Variants in RNASE6 observed in about 807,000 individuals in gnomAD.
RNASE6 encodes ribonuclease K6.
For synonymous variants in RNASE6, 64 were observed against 63.6 expected (o/e 1.01, Z -0.03); for missense variants, 197 against 181.9 (o/e 1.08, Z -0.48).
chr14:20,782,332 T>C lies in RNASE6; in HGVS notation c.*180T>C, dbSNP rs1434518876. The C allele has an allele frequency of 1.6e-6, 1 of 631,406 alleles. No homozygotes were observed. The highest frequency in any genetic ancestry group is 2.8e-6 in the Non-Finnish European group (1 of 362,876). The allele number at this position is 631,406 out of a possible 1,614,324, so 39.1% of individuals were successfully genotyped here. A position where few individuals can be genotyped will look rare whatever the true frequency, so the allele number is the denominator to read the frequency against. On this transcript the variant is annotated 3_prime_UTR_variant, in exon 2 of 2. Transcript: ENST00000304677. ...AAAAGAAATAAGATTATTTTCTGCTTTGTAGTTCTGTACTTTTCGAGAGAA... is the reference window on the plus strand; with the variant it reads ...AAAAGAAATAAGATTATTTTCTGCTCTGTAGTTCTGTACTTTTCGAGAGAA...
In RNASE6 at chr14:20,781,919, G is replaced by GT. The variant is rs754228796; in HGVS notation, c.221dup (p.Ala75GlyfsTer5). 2 of 1,614,226 alleles carry GT rather than the reference G, an allele frequency of 1.2e-6. No individual in the cohort carries two copies. On this transcript the variant is annotated frameshift_variant, in exon 2 of 2. Coordinates refer to ENST00000304677, the MANE Select transcript of RNASE6 (RefSeq NM_005615.5). LOFTEE classifies it low-confidence loss of function (END_TRUNC). ...CTTTCTGCATGACTCTTTCCAGAAT[G>GT]TGGCTGCTGTCTGTGATTTGCTCAG...
At position 20,781,785 on chromosome 14, in the gene RNASE6, C is replaced by T; in HGVS notation, c.86C>T (p.Thr29Ile). 6.2e-7 allele frequency: 1 copy of T among 1,614,184 alleles called. No individual in the cohort carries two copies. The highest frequency in any genetic ancestry group is 8.5e-7 in the Non-Finnish European group (1 of 1,180,034). ...CTTCATGCTTGGCCTAAGCGTCTCA[C>T]CAAGGCTCACTGGTTTGAAATTCAG... Reference protein sequence around the residue: ...CPLHAWPKRLTKAHWFEIQHI... With the variant: ...CPLHAWPKRLIKAHWFEIQHI... Residue 29 changes from threonine (T) to isoleucine (I), a missense_variant, in exon 2 of 2, where the codon ACC becomes ATC. Coordinates refer to ENST00000304677, the MANE Select transcript of RNASE6 (RefSeq NM_005615.5).
chr14:20,781,968 A>C lies in RNASE6; in HGVS notation c.269A>C (p.His90Pro). Residue 90 changes from histidine (H) to proline (P), a missense_variant, in exon 2 of 2, where the codon CAC becomes CCC. Transcript: ENST00000304677. ...AGCATTGTCTGCAAAAATCGTCGGC[A>C]CAACTGCCACCAGAGCTCAAAGCCT... ...LLSIVCKNRR[H>P]NCHQSSKPVN... The C allele has an allele frequency of 6.2e-7, 1 of 1,614,188 alleles. No homozygotes were observed. Among genetic ancestry groups the C allele is most frequent in the Non-Finnish European group, 8.5e-7 (1 of 1,180,020 alleles).
Position 20,781,676 on chromosome 14 carries a change from C to A in RNASE6, c.-5-19C>A. 1 of 1,538,160 alleles carries A rather than the reference C, an allele frequency of 6.5e-7. No individual in the cohort carries two copies. The stretch of plus-strand genomic sequence containing the variant: ...TTATTGCTTCTCCTACTATAACTAT[C>A]TTCTCTCTTTCTACACAGAAAAGAT... On this transcript the variant is annotated intron_variant, in intron 1 of 1. Transcript: ENST00000304677.
In RNASE6 at chr14:20,782,119, G is replaced by C; in HGVS notation, c.420G>C (p.Lys140Asn). Reference sequence around the variant, plus strand: ...CTCAGAAGAGCGATCCCCCCTACAAGTTGGTTCCTGTACACTTAGATAGTA... The same window carrying C: ...CTCAGAAGAGCGATCCCCCCTACAACTTGGTTCCTGTACACTTAGATAGTA... ...DPPQKSDPPY[K>N]LVPVHLDSIL The change falls in exon 2 of 2, where the codon AAG (lysine) becomes AAC (asparagine). Residue 140 changes from lysine to asparagine, a missense_variant. Physicochemically the swap from Lys to Asn is moderately conservative, Grantham distance 94. Coordinates refer to ENST00000304677, the MANE Select transcript of RNASE6 (RefSeq NM_005615.5). 4.3e-6 allele frequency: 7 copies of C among 1,610,706 alleles called. No homozygotes were observed. The highest frequency in any genetic ancestry group is 5.1e-6 in the Non-Finnish European group (6 of 1,178,212).
chr14:20,782,372 C>T lies in RNASE6; in HGVS notation c.*220C>T, dbSNP rs540668392. On this transcript the variant is annotated 3_prime_UTR_variant, in exon 2 of 2. Coordinates refer to ENST00000304677, the MANE Select transcript of RNASE6 (RefSeq NM_005615.5). ...TTTCGAGAGAAGGGAATAGGGAAGACAGCAAAGAAAGATTCAGATTTCTAA... is the reference window on the plus strand; with the variant it reads ...TTTCGAGAGAAGGGAATAGGGAAGATAGCAAAGAAAGATTCAGATTTCTAA... 49 of 551,908 alleles carry T rather than the reference C, an allele frequency of 8.9e-5. No homozygotes were observed. Among genetic ancestry groups the T allele is most frequent in the Non-Finnish European group, 1.4e-4 (43 of 309,952 alleles). 34.2% of individuals were successfully genotyped at this position (551,908 alleles called of 1,614,324 possible).
In RNASE6 at chr14:20,782,383, G is replaced by A. The variant is rs762092859; in HGVS notation, c.*231G>A. ...GGGAATAGGGAAGACAGCAAAGAAA[G>A]ATTCAGATTTCTAACCCTGCAACTT... On this transcript the variant is annotated 3_prime_UTR_variant, in exon 2 of 2. Coordinates refer to ENST00000304677, the MANE Select transcript of RNASE6 (RefSeq NM_005615.5). 1 of 536,080 alleles carries A rather than the reference G, an allele frequency of 1.9e-6. No individual in the cohort carries two copies. Among genetic ancestry groups the A allele is most frequent in the Non-Finnish European group, 3.3e-6 (1 of 300,126 alleles). The allele number at this position is 536,080 out of a possible 1,614,324, so 33.2% of individuals were successfully genotyped here. A position where few individuals can be genotyped will look rare whatever the true frequency, so the allele number is the denominator to read the frequency against.
intron 1 of RNASE6, 72 bp from the exon 2 acceptor site, chr14:20,781,623 T>C (rs1232171132): frequency 8.4e-7 from 1 of 1,185,942 alleles, no homozygotes; most frequent in Non-Finnish European, 1.2e-6. Context: ...AATAAAAATC[T>C]AAATAGTTAT....
chr14:20,781,622 C>A, intron 1 of RNASE6, 73 bp from the exon 2 acceptor site: 1 of 1,172,574 alleles, frequency 8.5e-7, no homozygotes, highest in Non-Finnish European at 1.2e-6. Context: ...AAATAAAAAT[C>A]TAAATAGTTA....
At chr14:20,781,468 G>T (rs1878641800) in intron 1 of RNASE6, 130 bp downstream of exon 1, 2 of 502,522 alleles carry the variant, frequency 4.0e-6, no homozygotes, top group Non-Finnish European at 7.0e-6. Context: ...GCCATCAAAT[G>T]CATGAGTACT....
rs1878685539 is a variant in RNASE6, at chr14:20,782,315, T to A, written c.*163T>A. ...AGACCAGAGTTGAGACAAAAAGAAATAAGATTATTTTCTGCTTTGTAGTTC... is the reference window on the plus strand; with the variant it reads ...AGACCAGAGTTGAGACAAAAAGAAAAAAGATTATTTTCTGCTTTGTAGTTC... On this transcript the variant is annotated 3_prime_UTR_variant, in exon 2 of 2. Transcript: ENST00000304677. The A allele has an allele frequency of 3.1e-6, 2 of 653,586 alleles. No homozygotes were observed. Among genetic ancestry groups the A allele is most frequent in the East Asian group, 5.6e-5 (2 of 35,906 alleles). 40.5% of individuals were successfully genotyped at this position (653,586 alleles called of 1,614,324 possible). A position where few individuals can be genotyped will look rare whatever the true frequency, so the allele number is the denominator to read the frequency against.
At chr14:20,781,449 G>A in intron 1 of RNASE6, 111 bp downstream of exon 1, 1 of 460,836 alleles carries the variant, frequency 2.2e-6, no homozygotes, top group Non-Finnish European at 3.8e-6. Context: ...GAAACTTTCT[G>A]ATATGACAGC....
Position 20,782,035 on chromosome 14 carries a change from C to T in RNASE6, c.336C>T (p.Pro112=), listed in dbSNP as rs775368839. Residue 112 remains proline (P), a synonymous_variant, in exon 2 of 2, where the codon CCC becomes CCT. Transcript: ENST00000304677. ...TDCRLTSGKY[P]QCRYSAAAQY... is the part of the protein sequence containing the mutation. ...GCAGACTCACTTCAGGAAAGTATCC[C>T]CAGTGCCGCTATAGTGCTGCTGCCC... 3 of 1,614,222 alleles carry T rather than the reference C, an allele frequency of 1.9e-6. No individual in the cohort carries two copies. Among genetic ancestry groups the T allele is most frequent in the Non-Finnish European group, 2.5e-6 (3 of 1,180,034 alleles).
At chr14:20,781,111 T>C (rs1244123500), upstream of RNASE6, 1 of 152,658 alleles carries the variant, frequency 6.6e-6, no homozygotes, top group Admixed American at 6.5e-5. Context: ...GTGATAATGA[T>C]ACTGTTTTAA....
In RNASE6 at chr14:20,782,108, C is replaced by A. The variant is rs768318120; in HGVS notation, c.409C>A (p.Pro137Thr). The stretch of plus-strand genomic sequence containing the variant: ...CTGTGACCCCCCTCAGAAGAGCGAT[C>A]CCCCCTACAAGTTGGTTCCTGTACA... ...VACDPPQKSD[P>T]PYKLVPVHLD... The change falls in exon 2 of 2, where the codon CCC becomes ACC. Residue 137 changes from proline (P) to threonine (T), a missense_variant. Transcript: ENST00000304677. 10 of 1,612,358 alleles carry A rather than the reference C, an allele frequency of 6.2e-6. No homozygotes were observed. In the Admixed American group the frequency reaches 6.7e-5, roughly 11 times the overall value.
chr14:20,781,163 A>G (rs79271379), upstream of RNASE6: 277 of 154,474 alleles, frequency 1.8e-3, 10 homozygotes, highest in East Asian at 0.046. Context: ...CAGACTCTGC[A>G]CAAGAAGTTA....
Position 20,781,711 on chromosome 14 carries a change from C to A in RNASE6, c.12C>A (p.Cys4Ter). 6.2e-7 allele frequency: 1 copy of A among 1,607,494 alleles called. No individual in the cohort carries two copies. Among genetic ancestry groups the A allele is most frequent in the Non-Finnish European group, 8.5e-7 (1 of 1,176,544 alleles). Residue 4 changes from cysteine (C) to a stop codon, truncating the protein, a stop_gained, in exon 2 of 2, where the codon TGC (cysteine) becomes TGA (stop). Transcript: ENST00000304677. LOFTEE classifies it low-confidence loss of function (END_TRUNC). Reference sequence around the variant, plus strand: ...TCTACACAGAAAAGATGGTGCTATGCTTTCCTCTTCTTTTACTGCTGCTGG... The same window carrying A: ...TCTACACAGAAAAGATGGTGCTATGATTTCCTCTTCTTTTACTGCTGCTGG... The part of the protein sequence containing the change: MVL[C>*]FPLLLLLLVL...
Sources: allele counts gnomAD v4.1 joint callset, GRCh38; gene constraint gnomAD v4.1.1; transcripts MANE v1.5; gene names NCBI Gene and HGNC (gene_info 2026-07-23, HGNC 2026-07-21).